RAD51B: variants seen among roughly 807,000 people sequenced by gnomAD.
RAD51B encodes the protein DNA repair protein RAD51 homolog 2.
RAD51B carries 38 observed loss-of-function variants against 42.2 expected under a neutral mutation model. The ratio of observed to expected loss-of-function variants is 0.90; its 90% CI spans 0.70 to 1.18. RAD51B has a LOEUF of 1.18. RAD51B is among the 50% of genes most tolerant of loss of function. The pLI, the probability that RAD51B is intolerant of heterozygous loss-of-function variation, is 0.00. For synonymous variants in RAD51B, 154 were observed against 145.2 expected, an observed-to-expected ratio of 1.06 and a Z score of -0.43; for missense variants, 373 against 400.7, an observed-to-expected ratio of 0.93 and a Z score of 0.59.
At chr14:68,531,422 A>G (rs1195851128) in intron 10 of RAD51B, among the ~76,000 whole-genome samples, 1 of 152,170 alleles carries the variant, frequency 6.6e-6, no homozygotes, top group Non-Finnish European at 1.5e-5. Flanking sequence ...AAGACATACC[A>G]CAAAATGCTA....
At chr14:68,353,425 T>G (rs1282337565) in intron 8 of RAD51B, among the ~76,000 whole-genome samples, 1 of 152,184 alleles carries the variant, frequency 6.6e-6, no homozygotes. Context: ...TCTATGTGTG[T>G]AGGTGAGGGA....
intron 10 of RAD51B, among the ~76,000 whole-genome samples, chr14:68,519,296 G>A (rs1886402574): frequency 6.6e-6 from 1 of 152,232 alleles, no homozygotes; most frequent in Non-Finnish European, 1.5e-5. Flanking sequence ...TTAACATGCA[G>A]ATTTCCTGGC....
intron 8 of RAD51B, among the ~76,000 whole-genome samples, chr14:68,387,837 A>G (rs2083632923): frequency 1.3e-5 from 2 of 152,336 alleles, no homozygotes; most frequent in South Asian, 2.1e-4. Flanking sequence ...GCTACTGAGC[A>G]CATGAAAGGT....
intron 11 of RAD51B, among the ~76,000 whole-genome samples, chr14:68,659,657 T>C (rs1006069813): frequency 6.6e-6 from 1 of 152,140 alleles, no homozygotes; most frequent in African/African-American, 2.4e-5. Context: ...AAGGAGATTC[T>C]GGAGAGGCAG....
At position 67,887,006 on chromosome 14, in the gene RAD51B, ATTC is replaced by A. The variant is rs778850393; in HGVS notation, c.573-9_573-7del. 9.8e-6 allele frequency: 14 copies of A among 1,421,760 alleles called. No homozygotes were observed. The highest frequency in any genetic ancestry group is 2.9e-5 in the African/African-American group (2 of 69,076). 88.1% of individuals were successfully genotyped at this position (1,421,760 alleles called of 1,614,324 possible). On this transcript the variant is annotated splice_polypyrimidine_tract_variant and intron_variant, in intron 6 of 10. Transcript: ENST00000471583. ...CTTAAATTTATTGACTATTTTATAA[ATTC>A]TTCTTTTATAGGATTGAATCTTTGG...
intron 10 of RAD51B, among the ~76,000 whole-genome samples, chr14:68,499,722 G>A (rs977066372): frequency 2.0e-5 from 3 of 152,088 alleles, no homozygotes; most frequent in Non-Finnish European, 1.5e-5. Context: ...GTGTGACTAC[G>A]GAGGCAGAGA....
chr14:67,925,288 T>C (rs551055981), intron 7 of RAD51B, among the ~76,000 whole-genome samples: 29 of 152,236 alleles, frequency 1.9e-4, no homozygotes, highest in African/African-American at 5.8e-4. Context: ...TCTTTTTTTT[T>C]TGAGACAGAG....
intron 10 of RAD51B, among the ~76,000 whole-genome samples, chr14:68,484,746 T>C (rs1300669195): frequency 6.6e-6 from 1 of 151,958 alleles, no homozygotes; most frequent in Non-Finnish European, 1.5e-5. Flanking sequence ...GGTGCAGAAT[T>C]GGAAAGCCTT....
chr14:68,017,590 AT>A (rs2075797957), intron 7 of RAD51B, among the ~76,000 whole-genome samples: 1 of 152,160 alleles, frequency 6.6e-6, no homozygotes. Flanking sequence ...TGCTGAGTTC[AT>A]TTTGCCCCTA....
chr14:68,153,933 A>G (rs2078444684), intron 7 of RAD51B, among the ~76,000 whole-genome samples: 1 of 152,190 alleles, frequency 6.6e-6, no homozygotes, highest in African/African-American at 2.4e-5. Context: ...CTGTTTAAGC[A>G]TTGTGGGGGA....
intron 10 of RAD51B, among the ~76,000 whole-genome samples, chr14:68,607,715 T>C (rs1891505053): frequency 6.6e-6 from 1 of 152,144 alleles, no homozygotes; most frequent in Non-Finnish European, 1.5e-5. Context: ...TGTGGACAGA[T>C]ACCATGGGGC....
intron 9 of RAD51B, among the ~76,000 whole-genome samples, chr14:68,460,243 G>A (rs1355571204): frequency 6.6e-6 from 1 of 152,070 alleles, no homozygotes; most frequent in Non-Finnish European, 1.5e-5. Context: ...CCTGAGGTCA[G>A]GAGTTCGAGA....
chr14:67,969,757 G>A (rs2074860105), intron 7 of RAD51B, among the ~76,000 whole-genome samples: 1 of 151,954 alleles, frequency 6.6e-6, no homozygotes, highest in African/African-American at 2.4e-5. Flanking sequence ...ACTTTTTCTT[G>A]AAGCATATTT....
intron 7 of RAD51B, among the ~76,000 whole-genome samples, chr14:68,110,149 G>C (rs993349597): frequency 2.6e-5 from 4 of 151,974 alleles, no homozygotes; most frequent in African/African-American, 9.7e-5. Context: ...CATGTCTTTT[G>C]TGAAAGGTGG....
At chr14:68,433,004 A>G (rs1442665116) in intron 9 of RAD51B, among the ~76,000 whole-genome samples, 2 of 152,138 alleles carry the variant, frequency 1.3e-5, no homozygotes, top group African/African-American at 4.8e-5. Context: ...TCCTTCACTT[A>G]TGAAGCTTAG....
At chr14:68,097,814 C>T (rs983801970) in intron 7 of RAD51B, among the ~76,000 whole-genome samples, 8 of 152,188 alleles carry the variant, frequency 5.3e-5, no homozygotes, top group African/African-American at 1.9e-4. Context: ...GATATACAAA[C>T]ACACATCATT....
At chr14:68,380,034 A>G (rs183062819) in intron 8 of RAD51B, among the ~76,000 whole-genome samples, 2 of 152,326 alleles carry the variant, frequency 1.3e-5, no homozygotes, top group East Asian at 3.9e-4. Context: ...ATTCCACTTC[A>G]TTTTTATATA....
intron 10 of RAD51B, among the ~76,000 whole-genome samples, chr14:68,496,390 C>T (rs967778420): frequency 6.6e-6 from 1 of 152,206 alleles, no homozygotes; most frequent in Non-Finnish European, 1.5e-5. Flanking sequence ...CCACCTGTGT[C>T]CATGCCTCTG....
chr14:67,913,056 T>G lies in RAD51B; in HGVS notation c.756+25852T>G, dbSNP rs1421327356. 7.9e-5 allele frequency among the ~76,000 whole-genome samples: 12 copies of G among 152,192 alleles called. No individual in the cohort carries two copies. The South Asian group carries it at 2.3e-3, about 29-fold the overall frequency. On this transcript the variant is annotated intron_variant, in intron 7 of 10. Coordinates refer to ENST00000471583, the MANE Select transcript of RAD51B (RefSeq NM_133510.4). ...CTGACTTCTTAATCTTTTAATAGTA[T>G]CGTAAGTTTTTCAGTAATCAAGATT...
Sources: allele counts gnomAD v4.1 joint callset (sites outside exome capture counted in the v4.1 genomes callset), GRCh38; gene constraint gnomAD v4.1.1; transcripts MANE v1.5; gene names NCBI Gene and HGNC (gene_info 2026-07-23, HGNC 2026-07-21).